U2SURP: variants seen among roughly 807,000 people sequenced by gnomAD.
U2SURP encodes the protein U2 snRNP-associated SURP motif-containing protein.
Under a neutral mutation model 144.9 loss-of-function variants are expected in U2SURP, and 9 were observed. That is an observed-to-expected ratio of 0.06 (90% CI 0.04 to 0.11). The LOEUF (loss-of-function observed/expected upper bound fraction) is 0.11, where lower values mean the gene tolerates loss of function less well. Ranked by LOEUF, U2SURP falls within the 10% of genes least tolerant of loss-of-function variation. The pLI, the probability that U2SURP is intolerant of heterozygous loss-of-function variation, is 1.00. For synonymous variants in U2SURP, 408 were observed against 396.8 expected (o/e 1.03, Z -0.33); for missense variants, 724 against 1,226.7 (o/e 0.59, Z 6.12).
chr3:143,052,950 G>GTT (rs11436960), intron 25 of U2SURP, among the ~76,000 whole-genome samples: 82,816 of 132,616 alleles, frequency 0.62, 25,692 homozygotes, highest in East Asian at 0.71. Flanking sequence ...AAATGTGTTG[G>GTT]TTTTTTTTTT....
intron 24 of U2SURP, among the ~76,000 whole-genome samples, chr3:143,049,581 A>T (rs1934741119): frequency 6.6e-6 from 1 of 152,140 alleles, no homozygotes; most frequent in Non-Finnish European, 1.5e-5. Context: ...TACCACTTGG[A>T]GGATCTTCCA....
At position 143,042,503 on chromosome 3, in the gene U2SURP, G is replaced by A. The variant is rs144935140; in HGVS notation, c.2385-614G>A. On this transcript the variant is annotated intron_variant, in intron 23 of 27. Transcript: ENST00000473835. ...GGGTACAAGTGGTTTTGGGTTACAT[G>A]GATATATTATTTAGTGGTGATTACT... is the stretch of plus-strand genomic sequence containing the variant. 1.2e-4 allele frequency among the ~76,000 whole-genome samples: 18 copies of A among 151,860 alleles called. No individual in the cohort carries two copies. The East Asian group carries it at 3.3e-3, about 28-fold the overall frequency.
At chr3:143,019,322 T>A (rs979066380) in intron 6 of U2SURP, among the ~76,000 whole-genome samples, 8 of 152,316 alleles carry the variant, frequency 5.3e-5, no homozygotes, top group African/African-American at 1.7e-4. Context: ...ACGCTTTTGG[T>A]GTCATATCTA....
chr3:143,021,631 C>T, intron 10 of U2SURP, 76 bp downstream of exon 10: 1 of 1,400,442 alleles, frequency 7.1e-7, no homozygotes, highest in Non-Finnish European at 9.9e-7. Flanking sequence ...CAAAAAAAAT[C>T]AAGATTCTGA....
chr3:143,017,870 C>T (rs1340401474), intron 6 of U2SURP, among the ~76,000 whole-genome samples: 1 of 151,950 alleles, frequency 6.6e-6, no homozygotes, highest in Non-Finnish European at 1.5e-5. Flanking sequence ...GCGATTTGCC[C>T]ACTTTTGCCT....
In U2SURP at chr3:143,056,860, C is replaced by T. The variant is rs550519967; in HGVS notation, c.*410C>T. 2 of 175,648 alleles carry T rather than the reference C, an allele frequency of 1.1e-5. No homozygotes were observed. The highest frequency in any genetic ancestry group is 1.1e-4 in the Admixed American group (2 of 18,114). The allele number at this position is 175,648 out of a possible 1,614,324, so 10.9% of individuals were successfully genotyped here. A position where few individuals can be genotyped will look rare whatever the true frequency, so the allele number is the denominator to read the frequency against. ...AGAAAACTATAATGTTGTTTTTTTG[C>T]CCCACCGGTGATATTAAGTCCCTTA... On this transcript the variant is annotated 3_prime_UTR_variant, in exon 28 of 28. Transcript: ENST00000473835.
At chr3:143,030,128 A>T (rs1026220132) in intron 16 of U2SURP, among the ~76,000 whole-genome samples, 4 of 152,266 alleles carry the variant, frequency 2.6e-5, no homozygotes, top group Non-Finnish European at 5.9e-5. Flanking sequence ...GAGGTCATTG[A>T]TGAAGGTGGC....
In U2SURP at chr3:143,016,974, C is replaced by G; in HGVS notation, c.569C>G (p.Pro190Arg). 6.4e-7 allele frequency: 1 copy of G among 1,573,824 alleles called. No individual in the cohort carries two copies. Among genetic ancestry groups the G allele is most frequent in the Non-Finnish European group, 8.6e-7 (1 of 1,167,826 alleles). ...CTTCTTGTGATAGAAACCAAAAAAC[C>G]TGTAAGTCATACTTAAGTAATTGAC... is the stretch of plus-strand genomic sequence containing the variant. ...PSLLVIETKK[P>R]PLKKGEKEKK... Residue 190 changes from proline (P) to arginine (R), a missense_variant and splice_region_variant, in exon 6 of 28, where the codon CCT becomes CGT. Pro to Arg is a moderately radical substitution (Grantham distance 103). Transcript: ENST00000473835.
chr3:143,032,627 A>G (rs1253056272), intron 16 of U2SURP, among the ~76,000 whole-genome samples, 157 bp from the exon 17 acceptor site: 2 of 152,170 alleles, frequency 1.3e-5, no homozygotes, highest in South Asian at 2.1e-4. Flanking sequence ...AATTGTAACA[A>G]TTTTGGGGGA....
chr3:143,035,340 C>T lies in U2SURP; in HGVS notation c.1941+365C>T, dbSNP rs570551494. Reference sequence around the variant, plus strand: ...ATTCTGTTACCAATTTTTTTATAACCTCTTAAGCTCTAGACCAGTGTTAAG... The same window carrying T: ...ATTCTGTTACCAATTTTTTTATAACTTCTTAAGCTCTAGACCAGTGTTAAG... On this transcript the variant is annotated intron_variant, in intron 19 of 27. Transcript: ENST00000473835. Among the ~76,000 whole-genome samples, 315 of 152,106 alleles carry T rather than the reference C, an allele frequency of 2.1e-3. 3 individuals are homozygous for T. Among genetic ancestry groups the T allele is most frequent in the African/African-American group, 7.2e-3 (299 of 41,524 alleles).
At chr3:143,028,989 A>G (rs1212532575) in intron 16 of U2SURP, among the ~76,000 whole-genome samples, 1 of 152,182 alleles carries the variant, frequency 6.6e-6, no homozygotes, top group Non-Finnish European at 1.5e-5. Context: ...AAGAAAAACT[A>G]TTGTGTGGCT....
Position 143,059,558 on chromosome 3 carries a change from AT to A in U2SURP, c.*3109del, listed in dbSNP as rs1315026355. 1.3e-5 allele frequency: 2 copies of A among 151,978 alleles called. No homozygotes were observed. The highest frequency in any genetic ancestry group is 2.4e-5 in the African/African-American group (1 of 41,438). 9.4% of individuals were successfully genotyped at this position (151,978 alleles called of 1,614,324 possible). The stretch of plus-strand genomic sequence containing the variant: ...ATGACCGTGACAATAGTTTATCATC[AT>A]CATTATTGTTATTCAAAATAAGGGT... On this transcript the variant is annotated 3_prime_UTR_variant, in exon 28 of 28. Coordinates refer to ENST00000473835, the MANE Select transcript of U2SURP (RefSeq NM_001080415.2).
At chr3:143,039,624 T>G (rs912980396) in intron 23 of U2SURP, among the ~76,000 whole-genome samples, 10 of 147,202 alleles carry the variant, frequency 6.8e-5, no homozygotes, top group African/African-American at 2.3e-4. Context: ...TTTTTTTAAA[T>G]GAGTAGGAAG....
intron 24 of U2SURP, among the ~76,000 whole-genome samples, chr3:143,049,171 C>T (rs1424389191): frequency 1.5e-4 from 22 of 143,042 alleles, no homozygotes; most frequent in East Asian, 2.1e-4. Context: ...GAAGCTGAGG[C>T]GGGAGAATTG....
In U2SURP at chr3:143,037,285, T is replaced by G; in HGVS notation, c.2171T>G (p.Leu724Arg). The change falls in exon 21 of 28, where the codon CTT (leucine) becomes CGT (arginine). Residue 724 changes from leucine to arginine, a missense_variant. Transcript: ENST00000473835. The part of the protein sequence containing the change: ...IPIDATPIDD[L>R]DGVPIKSLDD... ...ATTGATGCTACTCCCATCGATGATCTTGATGGAGTCCCTATAAAAAGTCTT... is the reference window on the plus strand; with the variant it reads ...ATTGATGCTACTCCCATCGATGATCGTGATGGAGTCCCTATAAAAAGTCTT... 1 of 1,612,770 alleles carries G rather than the reference T, an allele frequency of 6.2e-7. No individual in the cohort carries two copies. Among genetic ancestry groups the G allele is most frequent in the Middle Eastern group, 1.7e-4 (1 of 6,060 alleles).
At chr3:143,030,705 A>G (rs909443261) in intron 16 of U2SURP, among the ~76,000 whole-genome samples, 2 of 152,160 alleles carry the variant, frequency 1.3e-5, no homozygotes, top group Non-Finnish European at 2.9e-5. Flanking sequence ...GGTCTGGGAA[A>G]AAGTCAGAAA....
chr3:143,038,771 A>G, intron 22 of U2SURP, 123 bp from the exon 23 acceptor site: 1 of 622,852 alleles, frequency 1.6e-6, no homozygotes, highest in Non-Finnish European at 2.7e-6. Context: ...GAATTGATAA[A>G]CATAGATTAA....
chr3:143,007,784 A>C (rs1935922080), intron 1 of U2SURP, among the ~76,000 whole-genome samples: 1 of 152,186 alleles, frequency 6.6e-6, no homozygotes, highest in African/African-American at 2.4e-5. Flanking sequence ...TGTGTTCTTC[A>C]GTTAAAAATA....
At chr3:143,039,002 A>G (rs555643814) in intron 23 of U2SURP, 42 bp downstream of exon 23, 2 of 1,294,280 alleles carry the variant, frequency 1.5e-6, no homozygotes, top group African/African-American at 3.1e-5. Flanking sequence ...TTGTTCATAT[A>G]CACTCCCCTT....
Sources: allele counts gnomAD v4.1 joint callset (sites outside exome capture counted in the v4.1 genomes callset), GRCh38; gene constraint gnomAD v4.1.1; transcripts MANE v1.5; gene names NCBI Gene and HGNC (gene_info 2026-07-23, HGNC 2026-07-21).